Variants in ST3GAL3 observed in about 807,000 individuals in gnomAD.
The protein encoded by ST3GAL3 is CMP-N-acetylneuraminate-beta-1,4-galactoside alpha-2,3-sialyltransferase.
A neutral mutation model predicts 50.1 loss-of-function variants in ST3GAL3; 21 were observed. That is an observed-to-expected ratio of 0.42 (90% confidence interval 0.30 to 0.60). The LOEUF (loss-of-function observed/expected upper bound fraction) is 0.60. Ranked by LOEUF, ST3GAL3 falls within the 20% of genes least tolerant of loss-of-function variation. The pLI is 0.19. For synonymous variants in ST3GAL3, 183 were observed against 190.0 expected (o/e 0.96, Z 0.30); for missense variants, 353 against 489.4 (o/e 0.72, Z 2.63).
chr1:43,891,425 C>T (rs896652082), intron 5 of ST3GAL3, among the ~76,000 whole-genome samples: 5 of 152,140 alleles, frequency 3.3e-5, no homozygotes, highest in East Asian at 1.9e-4. Context: ...CAAAATTAAC[C>T]GGGCATGATG....
chr1:43,838,768 A>G (rs1047613518), intron 5 of ST3GAL3: 11 of 236,940 alleles, frequency 4.6e-5, no homozygotes, highest in African/African-American at 2.5e-4. Context: ...TTCTCTGTCC[A>G]TTTTGCATTC....
Position 43,930,438 on chromosome 1 carries a change from A to C in ST3GAL3, c.*217A>C, listed in dbSNP as rs546387431. Reference sequence around the variant, plus strand: ...CATGGGTCCTTGATGCCAGAGGGCCAGCAGGCTCCTGGCTGTGCCCAGCAG... The same window carrying C: ...CATGGGTCCTTGATGCCAGAGGGCCCGCAGGCTCCTGGCTGTGCCCAGCAG... On this transcript the variant is annotated 3_prime_UTR_variant, in exon 12 of 12. Transcript: ENST00000347631. The C allele has an allele frequency of 3.3e-4, 201 of 612,578 alleles. No individual in the cohort carries two copies. The highest frequency in any genetic ancestry group is 3.0e-3 in the African/African-American group (163 of 54,758). 37.9% of individuals were successfully genotyped at this position (612,578 alleles called of 1,614,324 possible). A position where few individuals can be genotyped will look rare whatever the true frequency, so the allele number is the denominator to read the frequency against.
intron 3 of ST3GAL3, among the ~76,000 whole-genome samples, chr1:43,796,014 G>C (rs1326211559): frequency 6.6e-6 from 1 of 152,164 alleles, no homozygotes; most frequent in African/African-American, 2.4e-5. Flanking sequence ...CCAAGGCTCA[G>C]ACAGAGGGGA....
chr1:43,926,645 T>A (rs1295953017), intron 11 of ST3GAL3, among the ~76,000 whole-genome samples: 1 of 151,758 alleles, frequency 6.6e-6, no homozygotes, highest in Non-Finnish European at 1.5e-5. Context: ...GACTGTGACA[T>A]GGGATGGACA....
At chr1:43,774,507 TA>T (rs1265092098) in intron 2 of ST3GAL3, among the ~76,000 whole-genome samples, 1 of 152,056 alleles carries the variant, frequency 6.6e-6, no homozygotes, top group African/African-American at 2.4e-5. Context: ...GTTTTTAGGA[TA>T]GGGGCCCAGC....
intron 4 of ST3GAL3, among the ~76,000 whole-genome samples, chr1:43,817,846 CCTT>C (rs2061598981): frequency 7.3e-6 from 1 of 137,538 alleles, no homozygotes; most frequent in African/African-American, 2.6e-5. Context: ...TTCTTCTTCT[CCTT>C]CTCCTCCTCC....
intron 9 of ST3GAL3, among the ~76,000 whole-genome samples, chr1:43,905,769 T>TCCTGTTCCC (rs2079388558): frequency 2.0e-5 from 2 of 99,256 alleles, no homozygotes; most frequent in African/African-American, 4.0e-5. Context: ...CTCCTGCTCC[T>TCCTGTTCCC]CTTCCTGCCA....
chr1:43,855,397 G>A (rs149656083), intron 5 of ST3GAL3, among the ~76,000 whole-genome samples: 8 of 152,216 alleles, frequency 5.3e-5, no homozygotes, highest in Non-Finnish European at 7.4e-5. Context: ...ATCACCTGAC[G>A]TCAAGAGTTC....
intron 3 of ST3GAL3, chr1:43,801,371 T>A (rs1273385121): frequency 2.2e-6 from 1 of 456,262 alleles, no homozygotes; most frequent in Non-Finnish European, 4.4e-6. Context: ...AGTAGCATGT[T>A]AGGCTCATCA....
At chr1:43,909,698 T>C (rs577738381) in intron 9 of ST3GAL3, among the ~76,000 whole-genome samples, 1 of 152,236 alleles carries the variant, frequency 6.6e-6, no homozygotes, top group South Asian at 2.1e-4. Flanking sequence ...TGATAACATA[T>C]TAGAATTTCA....
chr1:43,817,398 TTTTCTCCTTCTTCTCCTC>T (rs796644657), intron 4 of ST3GAL3, among the ~76,000 whole-genome samples: 8 of 33,184 alleles, frequency 2.4e-4, no homozygotes, highest in Non-Finnish European at 3.6e-4. Flanking sequence ...TTCTCCTCCT[TTTTCTCCTTCTTCTCCTC>T]CTTCTCCTTC....
chr1:43,825,688 G>A (rs2062705094), intron 4 of ST3GAL3, among the ~76,000 whole-genome samples: 1 of 152,148 alleles, frequency 6.6e-6, no homozygotes, highest in Admixed American at 6.5e-5. Context: ...TGCCTTGAAG[G>A]GTTTTAAGCA....
chr1:43,856,548 A>G (rs2906466), intron 5 of ST3GAL3, among the ~76,000 whole-genome samples: 85,092 of 152,098 alleles, frequency 0.56, 27,735 homozygotes, highest in Non-Finnish European at 0.74. Context: ...CCTTGGGTAC[A>G]GACCTTTCTG....
intron 3 of ST3GAL3, among the ~76,000 whole-genome samples, chr1:43,803,439 G>A (rs1195644837): frequency 6.6e-6 from 1 of 151,772 alleles, no homozygotes; most frequent in Non-Finnish European, 1.5e-5. Context: ...ATGTCTGTTA[G>A]TTTAAATTTA....
Position 43,728,844 on chromosome 1 carries a change from T to C in ST3GAL3, c.-30-7389T>C, listed in dbSNP as rs1309287040. Reference sequence around the variant, plus strand: ...TATATAACACACATATATACACATATGTATACACACATATGTACATATACA... The same window carrying C: ...TATATAACACACATATATACACATACGTATACACACATATGTACATATACA... On this transcript the variant is annotated intron_variant, in intron 1 of 11. Transcript: ENST00000347631. Among the ~76,000 whole-genome samples, 5 of 152,316 alleles carry C rather than the reference T, an allele frequency of 3.3e-5. 1 individual carries two copies. The highest frequency in any genetic ancestry group is 2.6e-4 in the Admixed American group (4 of 15,290).
At chr1:43,728,597 T>A (rs1031242153) in intron 1 of ST3GAL3, among the ~76,000 whole-genome samples, 4 of 151,988 alleles carry the variant, frequency 2.6e-5, no homozygotes, top group Non-Finnish European at 5.9e-5. Context: ...GTTAAAAAAA[T>A]TTTAGTAGCT....
intron 9 of ST3GAL3, among the ~76,000 whole-genome samples, chr1:43,916,079 A>T (rs993007057): frequency 6.6e-6 from 1 of 152,222 alleles, no homozygotes; most frequent in Non-Finnish European, 1.5e-5. Context: ...AGATCATGCC[A>T]CTGGACTCCA....
At chr1:43,862,127 C>T (rs2070140339) in intron 5 of ST3GAL3, among the ~76,000 whole-genome samples, 1 of 152,148 alleles carries the variant, frequency 6.6e-6, no homozygotes, top group African/African-American at 2.4e-5. Context: ...GCTGAGAGAA[C>T]TGCTTGTGGC....
At chr1:43,852,105 G>A (rs1270235573) in intron 5 of ST3GAL3, among the ~76,000 whole-genome samples, 1 of 152,200 alleles carries the variant, frequency 6.6e-6, no homozygotes, top group Non-Finnish European at 1.5e-5. Flanking sequence ...AGGAAGGGGT[G>A]CTGATGTGCC....
Sources: gnomAD v4.1 joint callset for allele counts (sites outside exome capture counted in the v4.1 genomes callset) on GRCh38, gnomAD v4.1.1 for gene constraint, MANE v1.5 for transcripts, NCBI Gene and HGNC (gene_info 2026-07-23, HGNC 2026-07-21) for gene names.